The following KLHL23 variants were observed in gnomAD, a reference collection of about 807,000 sequenced individuals.
KLHL23 encodes kelch-like protein 23.
A neutral mutation model predicts 48.9 loss-of-function variants in KLHL23; 33 were observed. The ratio of observed to expected loss-of-function variants is 0.67; its 90% CI spans 0.51 to 0.90. The LOEUF (loss-of-function observed/expected upper bound fraction) is 0.90, where lower values mean the gene tolerates loss of function less well. Ranked by LOEUF, KLHL23 falls within the 40% of genes least tolerant of loss-of-function variation. The pLI, the probability that KLHL23 is intolerant of heterozygous loss-of-function variation, is 0.00. For missense variants in KLHL23, 608 were observed against 669.6 expected, an observed-to-expected ratio of 0.91 and a Z score of 1.02; for synonymous variants, 234 against 231.6, an observed-to-expected ratio of 1.01 and a Z score of -0.09.
At chr2:169,744,344 A>G (rs906115337) in intron 3 of KLHL23, among the ~76,000 whole-genome samples, 1 of 152,230 alleles carries the variant, frequency 6.6e-6, no homozygotes, top group Non-Finnish European at 1.5e-5. Flanking sequence ...GCTGGGCCTT[A>G]AAGAATGGCC....
intron 1 of KLHL23, among the ~76,000 whole-genome samples, chr2:169,734,319 C>G (rs1688457485): frequency 6.8e-6 from 1 of 147,600 alleles, no homozygotes; most frequent in South Asian, 2.1e-4. Flanking sequence ...CAGAGGGACG[C>G]GGGCACCGGG....
chr2:169,743,035 T>G (rs1275485015), intron 3 of KLHL23, among the ~76,000 whole-genome samples: 1 of 152,216 alleles, frequency 6.6e-6, no homozygotes, highest in Non-Finnish European at 1.5e-5. Flanking sequence ...AGCCAGCTAG[T>G]GCTTATTAGA....
chr2:169,735,629 T>A lies in KLHL23; in HGVS notation c.615T>A (p.Ile205=), dbSNP rs776301478. 15 of 1,614,104 alleles carry A rather than the reference T, an allele frequency of 9.3e-6. No homozygotes were observed. Among genetic ancestry groups the A allele is most frequent in the Non-Finnish European group, 1.2e-5 (14 of 1,180,054 alleles). ...WKEEAIIEPV[I]KWTAHDVENR... is the part of the protein sequence containing the mutation. ...AAGAAGCTATCATAGAGCCAGTTATTAAGTGGACTGCTCATGATGTAGAAA... is the reference window on the plus strand; with the variant it reads ...AAGAAGCTATCATAGAGCCAGTTATAAAGTGGACTGCTCATGATGTAGAAA... Residue 205 remains isoleucine (I), a synonymous_variant, in exon 2 of 4, where the codon ATT becomes ATA. Coordinates refer to ENST00000392647, the MANE Select transcript of KLHL23 (RefSeq NM_144711.6). This position sits in a 1 kb window ranked among gnomAD's most constrained non-coding sequence, Gnocchi z 4.5.
chr2:169,745,066 C>T (rs1251132997), intron 3 of KLHL23, among the ~76,000 whole-genome samples: 1 of 151,814 alleles, frequency 6.6e-6, no homozygotes, highest in East Asian at 2.0e-4. Flanking sequence ...GCATGCACCA[C>T]CACGCCTGGC....
At position 169,751,371 on chromosome 2, in the gene KLHL23, T is replaced by A. The variant is rs1203132466; in HGVS notation, c.*1639T>A. 6.6e-6 allele frequency: 1 copy of A among 152,172 alleles called. No individual in the cohort carries two copies. Among genetic ancestry groups the A allele is most frequent in the Non-Finnish European group, 1.5e-5 (1 of 68,032 alleles). 9.4% of individuals were successfully genotyped at this position (152,172 alleles called of 1,614,324 possible). The stretch of plus-strand genomic sequence containing the variant: ...GATTAAAAAAAATTTAGAAGGAAAA[T>A]TTTAATGCATTTATTTCAGATGGCG... On this transcript the variant is annotated 3_prime_UTR_variant, in exon 4 of 4. Transcript: ENST00000392647.
chr2:169,740,769 TA>T lies in KLHL23; in HGVS notation c.1214-615del, dbSNP rs1688656931. On this transcript the variant is annotated intron_variant, in intron 2 of 3. Transcript: ENST00000392647. Reference sequence around the variant, plus strand: ...GGCCTCTATAAGCTTTTTTATATTATATATATATATATATATATATATAACT... The same window carrying T: ...GGCCTCTATAAGCTTTTTTATATTATTATATATATATATATATATATAACT... 2.8e-4 allele frequency among the ~76,000 whole-genome samples: 24 copies of T among 86,930 alleles called. 1 individual carries two copies. Among genetic ancestry groups the T allele is most frequent in the African/African-American group, 6.6e-4 (10 of 15,164 alleles). The allele number at this position is 86,930 out of a possible 152,430, so 57.0% of individuals were successfully genotyped here.
intron 3 of KLHL23, among the ~76,000 whole-genome samples, chr2:169,746,830 C>T (rs543565489): frequency 4.6e-5 from 7 of 152,294 alleles, no homozygotes; most frequent in African/African-American, 1.4e-4. Context: ...GATGTTGAAT[C>T]ACTTTTACCA....
At chr2:169,734,965 A>T in intron 1 of KLHL23, 48 bp from the exon 2 acceptor site, 2 of 1,502,778 alleles carry the variant, frequency 1.3e-6, no homozygotes, top group Non-Finnish European at 1.8e-6. Flanking sequence ...ATTATTTGAG[A>T]GAATGTGCAA....
At position 169,733,833 on chromosome 2, in the gene KLHL23, C is replaced by G. The variant is rs906555386; in HGVS notation, c.-257C>G. Reference sequence around the variant, plus strand: ...GCCGTGCTCACGCCTGCACGCCCCGCCCCGCTCGCCGCACGGCCCGGCGAC... The same window carrying G: ...GCCGTGCTCACGCCTGCACGCCCCGGCCCGCTCGCCGCACGGCCCGGCGAC... On this transcript the variant is annotated 5_prime_UTR_variant, in exon 1 of 4. Coordinates refer to ENST00000392647, the MANE Select transcript of KLHL23 (RefSeq NM_144711.6). The G allele has an allele frequency of 6.6e-6, 1 of 152,366 alleles. No individual in the cohort carries two copies. The highest frequency in any genetic ancestry group is 2.1e-4 in the South Asian group (1 of 4,826). The allele number at this position is 152,366 out of a possible 1,614,324, so 9.4% of individuals were successfully genotyped here.
chr2:169,749,797 A>G lies in KLHL23; in HGVS notation c.*65A>G. ...GTATAGTTTTATAAAAAAAGAATGC[A>G]GGGTTTGAAGTTCCTTACCTGATAA... On this transcript the variant is annotated 3_prime_UTR_variant, in exon 4 of 4. Coordinates refer to ENST00000392647, the MANE Select transcript of KLHL23 (RefSeq NM_144711.6). 6.6e-7 allele frequency: 1 copy of G among 1,516,958 alleles called. No individual in the cohort carries two copies. The allele number at this position is 1,516,958 out of a possible 1,614,324, so 94.0% of individuals were successfully genotyped here. A position where few individuals can be genotyped will look rare whatever the true frequency, so the allele number is the denominator to read the frequency against.
intron 3 of KLHL23, among the ~76,000 whole-genome samples, chr2:169,744,322 A>G (rs148286389): frequency 6.4e-4 from 98 of 152,330 alleles, no homozygotes; most frequent in Middle Eastern, 3.4e-3. Context: ...TTCCAACGGT[A>G]GGTGGTTATG....
In KLHL23 at chr2:169,749,405, T is replaced by C; in HGVS notation, c.1367-17T>C. On this transcript the variant is annotated splice_polypyrimidine_tract_variant and intron_variant, in intron 3 of 3. Coordinates refer to ENST00000392647, the MANE Select transcript of KLHL23 (RefSeq NM_144711.6). The stretch of plus-strand genomic sequence containing the variant: ...ATCCTTTAAAAAAATGCTGTTTTCT[T>C]TTTTTCTTTTTAAAAGAATATGGAT... 2 of 1,559,776 alleles carry C rather than the reference T, an allele frequency of 1.3e-6. No individual in the cohort carries two copies. Among genetic ancestry groups the C allele is most frequent in the Non-Finnish European group, 1.7e-6 (2 of 1,154,244 alleles).
Position 169,735,288 on chromosome 2 carries a change from G to T in KLHL23, c.274G>T (p.Val92Leu). Reference protein sequence around the residue: ...GIHHDILEGLVNYAYTSQIEI... With the variant: ...GIHHDILEGLLNYAYTSQIEI... ...CCACCATGATATTCTGGAAGGCCTTGTAAATTATGCATACACTTCCCAAAT... is the reference window on the plus strand; with the variant it reads ...CCACCATGATATTCTGGAAGGCCTTTTAAATTATGCATACACTTCCCAAAT... The change falls in exon 2 of 4, where the codon GTA (valine) becomes TTA (leucine). Residue 92 changes from valine to leucine, a missense_variant. Coordinates refer to ENST00000392647, the MANE Select transcript of KLHL23 (RefSeq NM_144711.6). The surrounding 1 kb of genome is among the most constrained non-coding windows in gnomAD (Gnocchi z 4.5). The T allele has an allele frequency of 6.2e-7, 1 of 1,612,740 alleles. No individual in the cohort carries two copies.
intron 2 of KLHL23, chr2:169,741,146 A>G (rs191766794): frequency 1.1e-4 from 40 of 361,416 alleles, no homozygotes; most frequent in African/African-American, 7.1e-4. Context: ...TTTCCACTCC[A>G]TTATAATTTT....
chr2:169,745,873 G>T (rs145989755), intron 3 of KLHL23, among the ~76,000 whole-genome samples: 2 of 152,310 alleles, frequency 1.3e-5, no homozygotes, highest in African/African-American at 2.4e-5. Flanking sequence ...AGGAATCATT[G>T]GATAACCCAA....
At position 169,735,449 on chromosome 2, in the gene KLHL23, T is replaced by C. The variant is rs1260892778; in HGVS notation, c.435T>C (p.Phe145=). The change falls in exon 2 of 4, where the codon TTT becomes TTC. Residue 145 remains phenylalanine (F), a synonymous_variant. Coordinates refer to ENST00000392647, the MANE Select transcript of KLHL23 (RefSeq NM_144711.6). The surrounding 1 kb of genome is among the most constrained non-coding windows in gnomAD (Gnocchi z 4.5). ...DIDNCIGMHS[F]AEFHVCPELE... ...ATAATTGTATTGGAATGCACTCCTTTGCAGAATTTCATGTGTGTCCAGAAC... is the reference window on the plus strand; with the variant it reads ...ATAATTGTATTGGAATGCACTCCTTCGCAGAATTTCATGTGTGTCCAGAAC... 2 of 1,614,038 alleles carry C rather than the reference T, an allele frequency of 1.2e-6. No homozygotes were observed. Among genetic ancestry groups the C allele is most frequent in the South Asian group, 2.2e-5 (2 of 91,082 alleles).
intron 3 of KLHL23, among the ~76,000 whole-genome samples, chr2:169,747,740 C>T (rs973206736): frequency 1.1e-4 from 16 of 152,138 alleles, no homozygotes; most frequent in African/African-American, 3.6e-4. Context: ...ACATATTTAT[C>T]GAATTCTCAC....
At position 169,750,782 on chromosome 2, in the gene KLHL23, T is replaced by C. The variant is rs1213486894; in HGVS notation, c.*1050T>C. The stretch of plus-strand genomic sequence containing the variant: ...AAATATTTGTTTATGCTAAGAACTG[T>C]TTTTAATTTTCAGCTTTGATGTAAA... On this transcript the variant is annotated 3_prime_UTR_variant, in exon 4 of 4. Transcript: ENST00000392647. The C allele has an allele frequency of 1.3e-5, 2 of 152,200 alleles. No individual in the cohort carries two copies. The highest frequency in any genetic ancestry group is 2.9e-5 in the Non-Finnish European group (2 of 68,040). 9.4% of individuals were successfully genotyped at this position (152,200 alleles called of 1,614,324 possible).
rs1371338504 is a variant in KLHL23 at position 169,735,660 on chromosome 2, A to C, written c.646A>C (p.Ile216Leu). Residue 216 changes from isoleucine to leucine, a missense_variant, in exon 2 of 4, where the codon ATT becomes CTT. By Grantham distance (5) the Ile-to-Leu change is conservative (BLOSUM62 2). Transcript: ENST00000392647. This position sits in a 1 kb window ranked among gnomAD's most constrained non-coding sequence, Gnocchi z 4.5. ...KWTAHDVENR[I>L]ECLYNLLSYI... The stretch of plus-strand genomic sequence containing the variant: ...GACTGCTCATGATGTAGAAAATCGA[A>C]TTGAATGCCTCTATAATCTACTGAG... The C allele has an allele frequency of 6.2e-7, 1 of 1,613,924 alleles. No individual in the cohort carries two copies. The highest frequency in any genetic ancestry group is 1.1e-5 in the South Asian group (1 of 91,078).
Sources: gnomAD v4.1 joint callset for allele counts (sites outside exome capture counted in the v4.1 genomes callset) on GRCh38, gnomAD v4.1.1 for gene constraint, Gnocchi (gnomAD v3.1) non-coding constraint, MANE v1.5 for transcripts, NCBI Gene and HGNC (gene_info 2026-07-23, HGNC 2026-07-21) for gene names.